CNN3: variants seen among roughly 807,000 people sequenced by gnomAD.
The protein encoded by CNN3 is calponin-3.
A neutral mutation model predicts 39.0 loss-of-function variants in CNN3; 11 were observed. The ratio of observed to expected loss-of-function variants is 0.28; its 90% CI spans 0.18 to 0.47. CNN3 has a LOEUF of 0.47. Among genes scored for constraint, CNN3 ranks in the 20% least tolerant of loss-of-function variants. The pLI is 0.99. For synonymous variants in CNN3, 101 were observed against 138.3 expected, an observed-to-expected ratio of 0.73 and a Z score of 1.89; for missense variants, 266 against 403.4, an observed-to-expected ratio of 0.66 and a Z score of 2.92.
intron 1 of CNN3, among the ~76,000 whole-genome samples, chr1:94,918,595 A>G (rs914546171): frequency 6.6e-6 from 1 of 151,644 alleles, no homozygotes; most frequent in African/African-American, 2.4e-5. Flanking sequence ...TTGCCAGCAC[A>G]GTTCAAAAGT....
intron 1 of CNN3, among the ~76,000 whole-genome samples, chr1:94,923,618 A>G (rs1460730349): frequency 6.6e-6 from 1 of 152,118 alleles, no homozygotes; most frequent in East Asian, 1.9e-4. Flanking sequence ...TTTTTCTCTG[A>G]AATTTTACTG....
intron 1 of CNN3, among the ~76,000 whole-genome samples, chr1:94,911,498 C>T (rs1671164073): frequency 6.6e-6 from 1 of 152,298 alleles, no homozygotes; most frequent in African/African-American, 2.4e-5. Context: ...TCAAAAATTA[C>T]TAGGACGGGT....
At chr1:94,913,429 C>G (rs190784481) in intron 1 of CNN3, among the ~76,000 whole-genome samples, 25 of 152,236 alleles carry the variant, frequency 1.6e-4, no homozygotes, top group African/African-American at 6.0e-4. Context: ...CCTTGTCTAC[C>G]TGGCCAAGTG....
intron 6 of CNN3, among the ~76,000 whole-genome samples, chr1:94,898,789 G>T (rs534874840): frequency 1.7e-4 from 26 of 152,254 alleles, no homozygotes; most frequent in African/African-American, 5.5e-4. Flanking sequence ...ATCTCCCTTG[G>T]ACTCGGTAAG....
At position 94,921,974 on chromosome 1, in the gene CNN3, T is replaced by C. The variant is rs1671458279; in HGVS notation, c.57+4864A>G. Among the ~76,000 whole-genome samples, 3 of 152,222 alleles carry C rather than the reference T, an allele frequency of 2.0e-5. No individual in the cohort carries two copies. The South Asian group carries it at 6.2e-4, about 31-fold the overall frequency. Reference sequence around the variant, plus strand: ...GCAGTATTCAGGAAAATGCAGGCACTGGACAAATCCTTGCAGAGGACACCT... The same window carrying C: ...GCAGTATTCAGGAAAATGCAGGCACCGGACAAATCCTTGCAGAGGACACCT... On this transcript the variant is annotated intron_variant, in intron 1 of 6. Coordinates refer to ENST00000370206, the MANE Select transcript of CNN3 (RefSeq NM_001839.5).
At position 94,897,854 on chromosome 1, in the gene CNN3, G is replaced by C; in HGVS notation, c.878C>G (p.Ser293Trp). Residue 293 changes from serine (S) to tryptophan (W), a missense_variant, in exon 7 of 7, where the codon TCG becomes TGG. Coordinates refer to ENST00000370206, the MANE Select transcript of CNN3 (RefSeq NM_001839.5). The part of the protein sequence containing the change: ...NGSQGTGTNG[S>W]EISDSDYQAE... Reference sequence around the variant, plus strand: ...CTGATAATCACTATCACTGATTTCCGAACCATTTGTTCCTGTTCCTTGGCT... The same window carrying C: ...CTGATAATCACTATCACTGATTTCCCAACCATTTGTTCCTGTTCCTTGGCT... 1 of 1,614,086 alleles carries C rather than the reference G, an allele frequency of 6.2e-7. No homozygotes were observed. The highest frequency in any genetic ancestry group is 8.5e-7 in the Non-Finnish European group (1 of 1,179,986).
Position 94,897,128 on chromosome 1 carries a change from T to A in CNN3, c.*614A>T, listed in dbSNP as rs1194423516. ...GGCCTAAATGTCCACAGGCCACTTT[T>A]GTACATGCTCTTTTAGAAACACCAC... On this transcript the variant is annotated 3_prime_UTR_variant, in exon 7 of 7. Transcript: ENST00000370206. 6.5e-6 allele frequency: 1 copy of A among 153,014 alleles called. No individual in the cohort carries two copies. Among genetic ancestry groups the A allele is most frequent in the Non-Finnish European group, 1.5e-5 (1 of 68,158 alleles). The allele number at this position is 153,014 out of a possible 1,614,324, so 9.5% of individuals were successfully genotyped here.
In CNN3 at chr1:94,907,165, G is replaced by A. The variant is rs964119338; in HGVS notation, c.58-3641C>T. ...AGAAGAAATTCGTATGTACAAGCATGCAAAACTCAAAGCCCCATATGATCA... is the reference window on the plus strand; with the variant it reads ...AGAAGAAATTCGTATGTACAAGCATACAAAACTCAAAGCCCCATATGATCA... On this transcript the variant is annotated intron_variant, in intron 1 of 6. Transcript: ENST00000370206. Among the ~76,000 whole-genome samples the A allele has an allele frequency of 2.0e-5, 3 of 152,156 alleles. No homozygotes were observed. The East Asian group carries it at 5.8e-4, about 29-fold the overall frequency.
intron 5 of CNN3, 103 bp downstream of exon 5, chr1:94,901,566 A>G: frequency 1.4e-6 from 1 of 705,998 alleles, no homozygotes; most frequent in Non-Finnish European, 2.4e-6. Flanking sequence ...CCCCCCCAGT[A>G]CTATAGTACT....
chr1:94,919,809 C>T (rs1671392403), intron 1 of CNN3, among the ~76,000 whole-genome samples: 1 of 152,136 alleles, frequency 6.6e-6, no homozygotes, highest in Non-Finnish European at 1.5e-5. Context: ...CCTCCAATTC[C>T]CTGGCCTTCC....
intron 5 of CNN3, 139 bp from the exon 6 acceptor site, chr1:94,899,656 CTA>C: frequency 1.2e-6 from 1 of 802,234 alleles, no homozygotes; most frequent in South Asian, 2.0e-5. Context: ...GTCAACTCTT[CTA>C]TGTGTCTACA....
Position 94,926,715 on chromosome 1 carries a change from C to A in CNN3, c.57+123G>T, listed in dbSNP as rs1671593186. 5 of 1,133,532 alleles carry A rather than the reference C, an allele frequency of 4.4e-6. No individual in the cohort carries two copies. The East Asian group carries it at 1.3e-4, about 31-fold the overall frequency. The allele number at this position is 1,133,532 out of a possible 1,614,324, so 70.2% of individuals were successfully genotyped here. On this transcript the variant is annotated intron_variant, in intron 1 of 6. Transcript: ENST00000370206. The surrounding 1 kb of genome is among the most constrained non-coding windows in gnomAD (Gnocchi z 4.2). ...GGACAGGCAGAGACGCTCGCGCCGCCTCGACGGCCCCTCTCCAGGAAAACG... is the reference window on the plus strand; with the variant it reads ...GGACAGGCAGAGACGCTCGCGCCGCATCGACGGCCCCTCTCCAGGAAAACG...
intron 5 of CNN3, among the ~76,000 whole-genome samples, chr1:94,901,346 T>A (rs140571521): frequency 2.9e-4 from 43 of 147,942 alleles, no homozygotes; most frequent in African/African-American, 1.1e-3. Context: ...AGAGTGAGAC[T>A]CTGTCTCAAA....
intron 1 of CNN3, among the ~76,000 whole-genome samples, chr1:94,912,430 C>T (rs1300275219): frequency 6.6e-6 from 1 of 152,210 alleles, no homozygotes; most frequent in East Asian, 1.9e-4. Flanking sequence ...ACCCAGAGGG[C>T]AAGGATCTAT....
chr1:94,909,204 AG>A (rs889288316), intron 1 of CNN3, among the ~76,000 whole-genome samples: 1 of 152,118 alleles, frequency 6.6e-6, no homozygotes, highest in Admixed American at 6.5e-5. Context: ...CATTCTCAAC[AG>A]GGGTGGTGGT....
chr1:94,909,691 T>C (rs1335190919), intron 1 of CNN3, among the ~76,000 whole-genome samples: 1 of 152,112 alleles, frequency 6.6e-6, no homozygotes, highest in African/African-American at 2.4e-5. Context: ...GCCATGCCCC[T>C]CCCTGGCTCT....
chr1:94,913,686 T>C (rs995873973), intron 1 of CNN3, among the ~76,000 whole-genome samples: 6 of 152,206 alleles, frequency 3.9e-5, no homozygotes, highest in African/African-American at 1.2e-4. Flanking sequence ...AGTGGCTACA[T>C]ATGACCTGGA....
intron 1 of CNN3, among the ~76,000 whole-genome samples, chr1:94,913,876 G>C (rs920592704): frequency 6.6e-6 from 1 of 152,210 alleles, no homozygotes; most frequent in Non-Finnish European, 1.5e-5. Context: ...GAGTGCCAAT[G>C]AAGCACAGGC....
At chr1:94,903,336 G>C (rs1670916080) in intron 2 of CNN3, 67 bp downstream of exon 2, 1 of 1,546,416 alleles carries the variant, frequency 6.5e-7, no homozygotes, top group East Asian at 2.3e-5. Context: ...CTGAGAAGGA[G>C]AGTGAGAGAG....
Sources: gnomAD v4.1 joint callset for allele counts (sites outside exome capture counted in the v4.1 genomes callset) on GRCh38, gnomAD v4.1.1 for gene constraint, Gnocchi (gnomAD v3.1) non-coding constraint, MANE v1.5 for transcripts, NCBI Gene and HGNC (gene_info 2026-07-23, HGNC 2026-07-21) for gene names.